Variants in ESRRG observed in about 807,000 individuals in gnomAD.
ESRRG encodes estrogen-related receptor gamma.
Under a neutral mutation model 44.0 loss-of-function variants are expected in ESRRG, and 13 were observed. The ratio of observed to expected loss-of-function variants is 0.30; its 90% CI spans 0.19 to 0.47. The LOEUF (loss-of-function observed/expected upper bound fraction) is 0.47, where lower values mean the gene tolerates loss of function less well. Among genes scored for constraint, ESRRG ranks in the 20% least tolerant of loss-of-function variants. The probability of loss-of-function intolerance (pLI) is 1.00; values close to 1 mark genes in which losing one functional copy is unlikely to be tolerated. For missense variants in ESRRG, 395 were observed against 580.6 expected (o/e 0.68, Z 3.29); for synonymous variants, 215 against 214.6 (o/e 1.00, Z -0.02).
intron 1 of ESRRG, among the ~76,000 whole-genome samples, chr1:216,720,263 T>C (rs535162326): frequency 1.3e-5 from 2 of 152,206 alleles, no homozygotes; most frequent in East Asian, 1.9e-4. Context: ...AGCTCAAGAA[T>C]GCTCACAACT....
intron 1 of ESRRG, among the ~76,000 whole-genome samples, chr1:216,952,949 C>T (rs1240621774): frequency 6.6e-6 from 1 of 152,064 alleles, no homozygotes; most frequent in African/African-American, 2.4e-5. Context: ...CATTGCCTCA[C>T]AATCACTCAC....
rs540829498 is a variant in ESRRG at position 217,066,324 on chromosome 1, G to A, written c.-106+23183C>T. Among the ~76,000 whole-genome samples, 19 of 140,058 alleles carry A rather than the reference G, an allele frequency of 1.4e-4. 1 individual carries two copies. In the South Asian group the frequency reaches 3.6e-3, roughly 26 times the overall value. The allele number at this position is 140,058 out of a possible 152,430, so 91.9% of individuals were successfully genotyped here. Reference sequence around the variant, plus strand: ...GGCTGGAGTGCAGTGGCGCGATCTCGGCTCACTTCAAGCTCCGCCTCCCGG... The same window carrying A: ...GGCTGGAGTGCAGTGGCGCGATCTCAGCTCACTTCAAGCTCCGCCTCCCGG... On this transcript the variant is annotated intron_variant, in intron 1 of 7. Coordinates refer to the ESRRG transcript ENST00000359162.
At chr1:216,762,366 T>C (rs1330826509) in intron 2 of ESRRG, among the ~76,000 whole-genome samples, 1 of 152,050 alleles carries the variant, frequency 6.6e-6, no homozygotes, top group Non-Finnish European at 1.5e-5. Context: ...TATGGAATAC[T>C]ATGCAGCCAT....
intron 2 of ESRRG, among the ~76,000 whole-genome samples, chr1:216,842,549 C>G (rs1361379954): frequency 6.6e-6 from 1 of 152,164 alleles, no homozygotes; most frequent in Non-Finnish European, 1.5e-5. Flanking sequence ...ACTTCTCTCT[C>G]CAATCCATAG....
intron 2 of ESRRG, among the ~76,000 whole-genome samples, chr1:216,755,534 G>T (rs76738321): frequency 0.022 from 3,387 of 152,014 alleles, 57 homozygotes; most frequent in Non-Finnish European, 0.031. Context: ...ATTATACTGT[G>T]GTTGGTGAAA....
chr1:216,721,925 G>T (rs1268675277), intron 1 of ESRRG, among the ~76,000 whole-genome samples: 3 of 152,116 alleles, frequency 2.0e-5, no homozygotes, highest in Non-Finnish European at 4.4e-5. Flanking sequence ...TAATCTTTCA[G>T]TTCCTCCTAA....
chr1:216,631,085 GA>G (rs11287585), intron 3 of ESRRG, among the ~76,000 whole-genome samples: 32,341 of 134,414 alleles, frequency 0.24, 3,542 homozygotes, highest in Middle Eastern at 0.32. Context: ...AGAGGGAAAA[GA>G]AAAAAAAAAA....
At chr1:217,046,163 C>CA (rs907962584) in intron 1 of ESRRG, among the ~76,000 whole-genome samples, 4,483 of 134,238 alleles carry the variant, frequency 0.033, 186 homozygotes, top group African/African-American at 0.1. Context: ...ACATTCCTTT[C>CA]AAAAAAAAAA....
intron 3 of ESRRG, among the ~76,000 whole-genome samples, chr1:216,620,440 T>C (rs1205312191): frequency 6.6e-6 from 1 of 152,182 alleles, no homozygotes; most frequent in African/African-American, 2.4e-5. Flanking sequence ...ATCTACTTAA[T>C]TTTTCATCCA....
intron 2 of ESRRG, among the ~76,000 whole-genome samples, chr1:216,840,647 G>C (rs2148864592): frequency 6.6e-6 from 1 of 152,228 alleles, no homozygotes; most frequent in Middle Eastern, 3.4e-3. Context: ...AGTGAGAAGT[G>C]TGTAACTCTT....
intron 2 of ESRRG, among the ~76,000 whole-genome samples, chr1:216,851,984 G>C (rs1489487113): frequency 6.6e-6 from 1 of 152,148 alleles, no homozygotes. Context: ...TTGACAAAGA[G>C]CCCTTAGAAG....
intron 1 of ESRRG, among the ~76,000 whole-genome samples, chr1:217,006,957 G>C (rs886810215): frequency 5.3e-5 from 8 of 152,082 alleles, no homozygotes; most frequent in Admixed American, 1.3e-4. Context: ...AGCGATAAAG[G>C]CTAGCTTCCC....
chr1:216,939,350 A>AAAAAAAAC lies in ESRRG; in HGVS notation c.-14+231_-14+232insGTTTTTTT, dbSNP rs1375092023. Reference sequence around the variant, plus strand: ...GAATATCCTACACATAGACAAAAAAAAAAAAAAAAAAAAAAAAAAACACTT... The same window carrying AAAAAAAAC: ...GAATATCCTACACATAGACAAAAAAAAAAAAAACAAAAAAAAAAAAAAAAAAAACACTT... On this transcript the variant is annotated intron_variant, in intron 2 of 7. Transcript: ENST00000359162. Among the ~76,000 whole-genome samples, 62 of 113,614 alleles carry AAAAAAAAC rather than the reference A, an allele frequency of 5.5e-4. 2 individuals are homozygous for AAAAAAAAC. The highest frequency in any genetic ancestry group is 3.3e-3 in the African/African-American group (61 of 18,740). 74.5% of individuals were successfully genotyped at this position (113,614 alleles called of 152,430 possible). A position where few individuals can be genotyped will look rare whatever the true frequency, so the allele number is the denominator to read the frequency against.
chr1:216,607,097 G>T lies in ESRRG; in HGVS notation c.590-38999C>A, dbSNP rs192192883. ...TTTGTTGTCCTTAGGAAACTGTAAA[G>T]AATTTCTACATTCATAAAATCATGT... On this transcript the variant is annotated intron_variant, in intron 3 of 6. Coordinates refer to ENST00000408911, the MANE Select transcript of ESRRG (RefSeq NM_001438.4). Among the ~76,000 whole-genome samples the T allele has an allele frequency of 3.0e-3, 455 of 152,274 alleles. 3 individuals carry two copies. Among genetic ancestry groups the T allele is most frequent in the African/African-American group, 0.01 (424 of 41,554 alleles).
chr1:216,679,252 C>T (rs1004758524), intron 1 of ESRRG, among the ~76,000 whole-genome samples: 20 of 152,202 alleles, frequency 1.3e-4, no homozygotes, highest in African/African-American at 4.8e-4. Context: ...CCTCTCTCTT[C>T]TGCATCTGCT....
intron 1 of ESRRG, among the ~76,000 whole-genome samples, chr1:217,082,477 G>C (rs2091833569): frequency 1.3e-5 from 2 of 152,168 alleles, no homozygotes; most frequent in African/African-American, 4.8e-5. Flanking sequence ...ACGGCAATAA[G>C]TGATCCAGTA....
chr1:217,101,153 C>T (rs755913899), intron 1 of ESRRG, among the ~76,000 whole-genome samples: 16 of 152,314 alleles, frequency 1.1e-4, no homozygotes, highest in Non-Finnish European at 2.1e-4. Context: ...ATGACTTCAA[C>T]TTTTTCTTTG....
intron 3 of ESRRG, among the ~76,000 whole-genome samples, chr1:216,596,650 A>G (rs1359701227): frequency 1.3e-5 from 2 of 152,202 alleles, no homozygotes; most frequent in Admixed American, 1.3e-4. Flanking sequence ...TGCTCCAAGT[A>G]TATGTGAGCT....
At chr1:216,934,780 T>C (rs368510739) in intron 2 of ESRRG, among the ~76,000 whole-genome samples, 1 of 152,132 alleles carries the variant, frequency 6.6e-6, no homozygotes, top group East Asian at 1.9e-4. Context: ...CCAAACCATA[T>C]CCATTGTTTT....
Sources: gnomAD v4.1 joint callset for allele counts (sites outside exome capture counted in the v4.1 genomes callset) on GRCh38, gnomAD v4.1.1 for gene constraint, MANE v1.5 for transcripts, NCBI Gene and HGNC (gene_info 2026-07-23, HGNC 2026-07-21) for gene names.